Variants in APC2 observed in about 807,000 individuals in gnomAD.
APC2 encodes the protein APC regulator of Wnt signaling pathway 2.
A neutral mutation model predicts 72.5 loss-of-function variants in APC2; 41 were observed. The ratio of observed to expected loss-of-function variants is 0.57; its 90% confidence interval spans 0.44 to 0.73. APC2 has a LOEUF of 0.73. APC2 is among the 30% of genes least tolerant of loss of function. The probability of loss-of-function intolerance (pLI) is 0.00; values close to 1 mark genes in which losing one functional copy is unlikely to be tolerated. For missense variants in APC2, 3,729 were observed against 3,403.4 expected (o/e 1.10, Z -2.38); for synonymous variants, 1,898 against 1,612.0 (o/e 1.18, Z -4.25).
At chr19:1,457,897 G>GGGGGGGGGGA in intron 9 of APC2, 68 bp from the exon 10 acceptor site, 1 of 1,444,570 alleles carries the variant, frequency 6.9e-7, no homozygotes, top group Admixed American at 2.0e-5. Flanking sequence ...GCGGGTTGCG[G>GGGGGGGGGGA]GACCTTCGGG....
intron 9 of APC2, 99 bp from the exon 10 acceptor site, chr19:1,457,866 G>A (rs2145201218): frequency 1.9e-6 from 2 of 1,030,986 alleles, no homozygotes; most frequent in South Asian, 1.4e-5. Flanking sequence ...AAGCTCCCGG[G>A]ATCCTTCAGG....
intron 4 of APC2, 150 bp downstream of exon 4, chr19:1,453,761 C>A (rs1381804196): frequency 4.5e-6 from 5 of 1,120,074 alleles, no homozygotes; most frequent in Admixed American, 2.5e-5. Flanking sequence ...ACCGAACAAC[C>A]CCGCCCACCT....
In APC2 at chr19:1,468,236, T is replaced by C; in HGVS notation, c.4935T>C (p.Ser1645=). ...TGCCCAGGCGCCGGCCCCCCGTGTC[T>C]GGCCTGCGGCGCCGCAAGCCCCGAG... The part of the protein sequence containing the change: ...SALPRRRPPV[S]GLRRRKPRAT... The change falls in exon 15 of 15, where the codon TCT becomes TCC. Residue 1645 remains serine, a synonymous_variant. Transcript: ENST00000590469. 6.7e-7 allele frequency: 1 copy of C among 1,495,580 alleles called. No homozygotes were observed. Among genetic ancestry groups the C allele is most frequent in the Non-Finnish European group, 8.9e-7 (1 of 1,128,442 alleles). 92.6% of individuals were successfully genotyped at this position (1,495,580 alleles called of 1,614,324 possible). A position where few individuals can be genotyped will look rare whatever the true frequency, so the allele number is the denominator to read the frequency against.
rs1361090037 is a variant in APC2, at chr19:1,469,632, C to T, written c.6331C>T (p.Pro2111Ser). Residue 2111 changes from proline to serine, a missense_variant, in exon 15 of 15, where the codon CCC becomes TCC. Coordinates refer to ENST00000590469, the MANE Select transcript of APC2 (RefSeq NM_005883.3). ...SLPHISVARRPDGAVPAAPAS... is the reference protein window; with the variant it reads ...SLPHISVARRSDGAVPAAPAS... ...GCCGCACATCAGCGTGGCCCGCAGG[C>T]CCGACGGCGCCGTCCCCGCGGCCCC... 23 of 1,227,620 alleles carry T rather than the reference C, an allele frequency of 1.9e-5. No homozygotes were observed. The highest frequency in any genetic ancestry group is 2.3e-5 in the Non-Finnish European group (23 of 983,994). The allele number at this position is 1,227,620 out of a possible 1,614,324, so 76.0% of individuals were successfully genotyped here.
In APC2 at chr19:1,469,183, C is replaced by A. The variant is rs2084085367; in HGVS notation, c.5882C>A (p.Ala1961Glu). 3 of 1,282,604 alleles carry A rather than the reference C, an allele frequency of 2.3e-6. No individual in the cohort carries two copies. The highest frequency in any genetic ancestry group is 2.4e-5 in the South Asian group (1 of 41,354). 79.5% of individuals were successfully genotyped at this position (1,282,604 alleles called of 1,614,324 possible). ...PGPRGRAGTE[A>E]GPGARGGRLG... is the part of the protein sequence containing the mutation. ...CCCAGGGGCCGGGCGGGGACCGAGG[C>A]GGGCCCGGGGGCGCGCGGGGGCCGC... Residue 1961 changes from alanine to glutamate, a missense_variant, in exon 15 of 15, where the codon GCG becomes GAG. Physicochemically the swap from Ala to Glu is moderately radical, Grantham distance 107. Transcript: ENST00000590469.
In APC2 at chr19:1,457,048, C is replaced by A; in HGVS notation, c.1012C>A (p.Pro338Thr). 1 of 1,529,910 alleles carries A rather than the reference C, an allele frequency of 6.5e-7. No homozygotes were observed. Among genetic ancestry groups the A allele is most frequent in the Non-Finnish European group, 8.7e-7 (1 of 1,145,270 alleles). 94.8% of individuals were successfully genotyped at this position (1,529,910 alleles called of 1,614,324 possible). A position where few individuals can be genotyped will look rare whatever the true frequency, so the allele number is the denominator to read the frequency against. The change falls in exon 9 of 15, where the codon CCG becomes ACG. Residue 338 changes from proline to threonine, a missense_variant. Transcript: ENST00000590469. ...GGGTCGCGCCGGGGCCCCAGGGGCA[C>A]CGGGCGCCAAGGACGCACGCATGCG... is the stretch of plus-strand genomic sequence containing the variant. ...AGGRAGAPGA[P>T]GAKDARMRAN...
Position 1,469,869 on chromosome 19 carries a change from G to A in APC2, c.6568G>A (p.Val2190Met). ...CCCGCCGCGCAAGACCAGCGACGCC[G>A]TGGTCCAGACCGAGGAGGTCGCCGC... ...GPPPRKTSDAVVQTEEVAAPK... is the reference protein window; with the variant it reads ...GPPPRKTSDAMVQTEEVAAPK... The change falls in exon 15 of 15, where the codon GTG becomes ATG. Residue 2190 changes from valine (V) to methionine (M), a missense_variant. Transcript: ENST00000590469. 8 of 1,521,706 alleles carry A rather than the reference G, an allele frequency of 5.3e-6. No homozygotes were observed. The highest frequency in any genetic ancestry group is 4.2e-5 in the African/African-American group (3 of 70,690). The allele number at this position is 1,521,706 out of a possible 1,614,324, so 94.3% of individuals were successfully genotyped here. A position where few individuals can be genotyped will look rare whatever the true frequency, so the allele number is the denominator to read the frequency against.
In APC2 at chr19:1,465,151, A is replaced by C; in HGVS notation, c.1854-4A>C. 1 of 1,594,766 alleles carries C rather than the reference A, an allele frequency of 6.3e-7. No individual in the cohort carries two copies. The highest frequency in any genetic ancestry group is 8.5e-7 in the Non-Finnish European group (1 of 1,171,592). On this transcript the variant is annotated splice_region_variant and splice_polypyrimidine_tract_variant and intron_variant, in intron 14 of 14. Coordinates refer to ENST00000590469, the MANE Select transcript of APC2 (RefSeq NM_005883.3). ...GCCCAGGCTAACCCGCCCTGTGCCT[A>C]CAGGCAGGTGCTCCGGGATCACAAC...
At chr19:1,446,644 T>G (rs149038971), upstream of APC2, among the ~76,000 whole-genome samples, 10 of 151,874 alleles carry the variant, frequency 6.6e-5, no homozygotes, top group South Asian at 2.1e-4. This position sits in a 1 kb window ranked among gnomAD's most constrained non-coding sequence, Gnocchi z 6.1. Context: ...GGACCCCTCC[T>G]CACTGCGCCG....
Position 1,470,003 on chromosome 19 carries a change from C to T in APC2, c.6702C>T (p.Ser2234=), listed in dbSNP as rs776993340. The T allele has an allele frequency of 6.5e-7, 1 of 1,541,414 alleles. No individual in the cohort carries two copies. The highest frequency in any genetic ancestry group is 1.9e-5 in the Admixed American group (1 of 52,214). ...SLLGSDVDGP[S]LAKAPISAPF... ...TCGGCAGCGACGTGGACGGTCCCAG[C>T]CTCGCCAAGGCTCCCATCTCCGCAC... The change falls in exon 15 of 15, where the codon AGC becomes AGT. Residue 2234 remains serine (S), a synonymous_variant. Coordinates refer to ENST00000590469, the MANE Select transcript of APC2 (RefSeq NM_005883.3).
rs1334633099 is a variant in APC2, at chr19:1,452,979, C to A, written c.-18-5C>A. The A allele has an allele frequency of 6.2e-7, 1 of 1,610,088 alleles. No homozygotes were observed. Among genetic ancestry groups the A allele is most frequent in the Admixed American group, 1.7e-5 (1 of 59,956 alleles). On this transcript the variant is annotated splice_polypyrimidine_tract_variant and splice_region_variant and intron_variant, in intron 1 of 14. Transcript: ENST00000590469. The surrounding 1 kb of genome is among the most constrained non-coding windows in gnomAD (Gnocchi z 5.1). ...CAGCTGAACCCTCTGACCCTGTGAT[C>A]CCAGACGCTGCAGGAGCTGAAGATG...
upstream of APC2, chr19:1,446,358 G>T (rs896373680): frequency 1.0e-6 from 1 of 985,368 alleles, no homozygotes; most frequent in Non-Finnish European, 1.2e-6. The surrounding 1 kb of genome is among the most constrained non-coding windows in gnomAD (Gnocchi z 6.1). Context: ...CGCGTGGGTC[G>T]AGCCGTTGGG....
At position 1,467,905 on chromosome 19, in the gene APC2, G is replaced by C. The variant is rs755949052; in HGVS notation, c.4604G>C (p.Arg1535Pro). The C allele has an allele frequency of 8.8e-6, 14 of 1,583,212 alleles. No homozygotes were observed. Among genetic ancestry groups the C allele is most frequent in the Non-Finnish European group, 1.1e-5 (13 of 1,173,160 alleles). Residue 1535 changes from arginine (R) to proline (P), a missense_variant, in exon 15 of 15, where the codon CGC (arginine) becomes CCC (proline). Physicochemically the swap from Arg to Pro is moderately radical, Grantham distance 103. Coordinates refer to ENST00000590469, the MANE Select transcript of APC2 (RefSeq NM_005883.3). The stretch of plus-strand genomic sequence containing the variant: ...CACCGGCGCACATCGGCCATCCCTC[G>C]CGCTTTTACGCGGGAGCGTCCGCAG... The part of the protein sequence containing the change: ...PTHRRTSAIP[R>P]AFTRERPQGR...
rs2083998583 is a variant in APC2, at chr19:1,465,740, G to A, written c.2439G>A (p.Gly813=). The change falls in exon 15 of 15, where the codon GGG becomes GGA. Residue 813 remains glycine, a synonymous_variant. Coordinates refer to ENST00000590469, the MANE Select transcript of APC2 (RefSeq NM_005883.3). Reference sequence around the variant, plus strand: ...TCCTGGGCAGCCCCTTCCTGCAGGGGCAGGCGCTGGCTCGCACCCCGCCCA... The same window carrying A: ...TCCTGGGCAGCCCCTTCCTGCAGGGACAGGCGCTGGCTCGCACCCCGCCCA... ...SLFLGSPFLQ[G]QALARTPPTR... 1.3e-6 allele frequency: 2 copies of A among 1,542,990 alleles called. No homozygotes were observed. Among genetic ancestry groups the A allele is most frequent in the Non-Finnish European group, 1.7e-6 (2 of 1,146,414 alleles).
chr19:1,468,159 C>A lies in APC2; in HGVS notation c.4858C>A (p.Pro1620Thr). ...PGPGGGRDSSPSPRAAEELLQ... is the reference protein window; with the variant it reads ...PGPGGGRDSSTSPRAAEELLQ... ...CCCAGGAGGCGGACGCGACAGCTCG[C>A]CCAGCCCGCGGGCCGCGGAGGAGCT... The change falls in exon 15 of 15, where the codon CCC (proline) becomes ACC (threonine). Residue 1620 changes from proline to threonine, a missense_variant. Coordinates refer to ENST00000590469, the MANE Select transcript of APC2 (RefSeq NM_005883.3). 1 of 1,462,114 alleles carries A rather than the reference C, an allele frequency of 6.8e-7. No individual in the cohort carries two copies. Among genetic ancestry groups the A allele is most frequent in the Non-Finnish European group, 9.0e-7 (1 of 1,115,866 alleles). The allele number at this position is 1,462,114 out of a possible 1,614,324, so 90.6% of individuals were successfully genotyped here. A position where few individuals can be genotyped will look rare whatever the true frequency, so the allele number is the denominator to read the frequency against.
chr19:1,457,847 C>A, intron 9 of APC2, 118 bp from the exon 10 acceptor site: 1 of 838,844 alleles, frequency 1.2e-6, no homozygotes, highest in Non-Finnish European at 1.9e-6. Context: ...AACTTTGCAG[C>A]CATTTGCAAA....
At chr19:1,462,283 C>T (rs2083939436) in intron 14 of APC2, 106 bp downstream of exon 14, 19 of 1,072,068 alleles carry the variant, frequency 1.8e-5, no homozygotes, top group Non-Finnish European at 2.5e-5. Context: ...AAGGCTTCCC[C>T]AGGGGCTGCT....
At chr19:1,460,135 G>A (rs1275093758) in intron 10 of APC2, 46 bp from the exon 11 acceptor site, 1 of 1,610,968 alleles carries the variant, frequency 6.2e-7, no homozygotes, top group Non-Finnish European at 8.5e-7. Flanking sequence ...CTGGGCAGCA[G>A]GCAGGGTCAT....
At chr19:1,447,729 C>T (rs1205740483), upstream of APC2, among the ~76,000 whole-genome samples, 1 of 152,138 alleles carries the variant, frequency 6.6e-6, no homozygotes, top group Non-Finnish European at 1.5e-5. Flanking sequence ...GTCTTGGGGT[C>T]TCAGCCCCCA....
Sources: allele counts gnomAD v4.1 joint callset (sites outside exome capture counted in the v4.1 genomes callset), GRCh38; gene constraint gnomAD v4.1.1; non-coding constraint Gnocchi (gnomAD v3.1); transcripts MANE v1.5; gene names NCBI Gene and HGNC (gene_info 2026-07-23, HGNC 2026-07-21).